The following KLHL24 variants were observed in gnomAD, a reference collection of about 807,000 sequenced individuals.
KLHL24 encodes kelch-like protein 24.
KLHL24 carries 29 observed loss-of-function variants against 53.4 expected under a neutral mutation model. The ratio of observed to expected loss-of-function variants is 0.54; its 90% CI spans 0.40 to 0.74. The LOEUF is 0.74. KLHL24 is among the 30% of genes least tolerant of loss of function. The pLI is 0.00. For missense variants in KLHL24, 504 were observed against 744.0 expected (o/e 0.68, Z 3.75); for synonymous variants, 222 against 253.7 (o/e 0.88, Z 1.19).
rs761165903 is a variant in KLHL24 at position 183,651,196 on chromosome 3, G to A, written c.840G>A (p.Glu280=). The A allele has an allele frequency of 6.2e-7, 1 of 1,614,164 alleles. No individual in the cohort carries two copies. Among genetic ancestry groups the A allele is most frequent in the Non-Finnish European group, 8.5e-7 (1 of 1,180,032 alleles). ...EVDQLIQNSP[E]CYQLLHEARR... ...ACCAATTGATCCAGAATTCTCCTGA[G>A]TGTTATCAGTTGTTGCATGAAGCAA... The change falls in exon 3 of 8, where the codon GAG becomes GAA. Residue 280 remains glutamate, a synonymous_variant. Transcript: ENST00000242810.
chr3:183,660,676 T>C (rs2054173), intron 3 of KLHL24, among the ~76,000 whole-genome samples: 50,771 of 151,828 alleles, frequency 0.33, 9,343 homozygotes, highest in African/African-American at 0.49. Flanking sequence ...TTGATCAATA[T>C]AGCCATTTTC....
intron 3 of KLHL24, among the ~76,000 whole-genome samples, chr3:183,655,941 TATTA>T (rs1205470378): frequency 1.3e-5 from 2 of 151,588 alleles, no homozygotes; most frequent in African/African-American, 4.8e-5. Context: ...AAAAAATTAT[TATTA>T]ATTAAAATTT....
chr3:183,666,450 T>C (rs1156708449), intron 5 of KLHL24, among the ~76,000 whole-genome samples: 1 of 151,962 alleles, frequency 6.6e-6, no homozygotes, highest in Non-Finnish European at 1.5e-5. Context: ...TTTGTAGAGA[T>C]TGGGTTTCTC....
intron 3 of KLHL24, among the ~76,000 whole-genome samples, chr3:183,654,459 T>A (rs1478392981): frequency 6.6e-6 from 1 of 152,016 alleles, no homozygotes; most frequent in African/African-American, 2.4e-5. Flanking sequence ...CTTTTTCAAA[T>A]TTTATATATC....
At chr3:183,674,189 C>G (rs61525995) in intron 7 of KLHL24, among the ~76,000 whole-genome samples, 1 of 152,086 alleles carries the variant, frequency 6.6e-6, no homozygotes, top group African/African-American at 2.4e-5. Flanking sequence ...CAAAAATACT[C>G]TAATTAGTCT....
chr3:183,645,024 G>A (rs1717026173), intron 2 of KLHL24, among the ~76,000 whole-genome samples: 1 of 152,140 alleles, frequency 6.6e-6, no homozygotes, highest in East Asian at 1.9e-4. Context: ...TGAATTTTTT[G>A]AACCTGAAAT....
At chr3:183,639,370 C>G (rs1240921232) in intron 1 of KLHL24, among the ~76,000 whole-genome samples, 2 of 152,142 alleles carry the variant, frequency 1.3e-5, no homozygotes, top group East Asian at 3.9e-4. Flanking sequence ...GTGGCTCACG[C>G]CTGTAATCCC....
At chr3:183,660,645 A>G (rs533553589) in intron 3 of KLHL24, among the ~76,000 whole-genome samples, 74 of 152,250 alleles carry the variant, frequency 4.9e-4, no homozygotes, top group Admixed American at 1.5e-3. Flanking sequence ...CCAATTTTGA[A>G]AAGTTGGCAT....
intron 7 of KLHL24, among the ~76,000 whole-genome samples, chr3:183,676,019 A>G (rs6806799): frequency 0.33 from 50,944 of 152,104 alleles, 9,390 homozygotes; most frequent in African/African-American, 0.49. Context: ...AAAGAAAATA[A>G]ACATTTGGAT....
chr3:183,669,982 G>A (rs761830978), intron 5 of KLHL24, among the ~76,000 whole-genome samples: 10 of 152,180 alleles, frequency 6.6e-5, no homozygotes, highest in Non-Finnish European at 1.2e-4. Context: ...GATGGCTCAC[G>A]CCTGTAATCC....
At chr3:183,670,350 G>A (rs1721165043) in intron 5 of KLHL24, among the ~76,000 whole-genome samples, 1 of 152,114 alleles carries the variant, frequency 6.6e-6, no homozygotes, top group Non-Finnish European at 1.5e-5. Context: ...TATAAACCAT[G>A]GATTTTTTGC....
chr3:183,669,277 A>G (rs1031901281), intron 5 of KLHL24, among the ~76,000 whole-genome samples: 10 of 152,120 alleles, frequency 6.6e-5, no homozygotes, highest in African/African-American at 1.9e-4. Flanking sequence ...CCTTGAAGCC[A>G]GGAGGCAGAC....
rs144571200 is a variant in KLHL24 at position 183,672,480 on chromosome 3, G to T, written c.1598G>T (p.Arg533Leu). 4 of 1,600,718 alleles carry T rather than the reference G, an allele frequency of 2.5e-6. No individual in the cohort carries two copies. The highest frequency in any genetic ancestry group is 3.4e-6 in the Non-Finnish European group (4 of 1,172,114). The change falls in exon 7 of 8, where the codon CGT becomes CTT. Residue 533 changes from arginine to leucine, a missense_variant. Transcript: ENST00000242810. Reference protein sequence around the residue: ...YWMHVQNTFSRQENCGMSVCN... With the variant: ...YWMHVQNTFSLQENCGMSVCN... The stretch of plus-strand genomic sequence containing the variant: ...ATGCACGTACAGAATACATTCAGCC[G>T]TCAGGTAATAACATAAAGCAGTACA...
chr3:183,645,570 A>AT (rs961345214), intron 2 of KLHL24, among the ~76,000 whole-genome samples: 6 of 152,374 alleles, frequency 3.9e-5, no homozygotes, highest in Admixed American at 2.0e-4. Context: ...AAATCTTAAA[A>AT]GAGATGGGAA....
In KLHL24 at chr3:183,677,863, C is replaced by T. The variant is rs564319453; in HGVS notation, c.1603-1223C>T. On this transcript the variant is annotated intron_variant, in intron 7 of 7. Coordinates refer to ENST00000242810, the MANE Select transcript of KLHL24 (RefSeq NM_017644.3). ...CTGGAGTGCAGTGGCACAACCTCAGCTCCCTGCAACCTCCGCCTCCCGGGT... is the reference window on the plus strand; with the variant it reads ...CTGGAGTGCAGTGGCACAACCTCAGTTCCCTGCAACCTCCGCCTCCCGGGT... Among the ~76,000 whole-genome samples, 36 of 152,272 alleles carry T rather than the reference C, an allele frequency of 2.4e-4. No homozygotes were observed. The East Asian group carries it at 3.5e-3, about 15-fold the overall frequency.
At chr3:183,638,960 G>A (rs148530698) in intron 1 of KLHL24, among the ~76,000 whole-genome samples, 461 of 152,236 alleles carry the variant, frequency 3.0e-3, no homozygotes, top group African/African-American at 0.011. Context: ...CAGTACTTTC[G>A]GAGGCTGAGG....
chr3:183,651,301 G>C, intron 3 of KLHL24, 25 bp downstream of exon 3: 3 of 1,557,248 alleles, frequency 1.9e-6, no homozygotes, highest in Non-Finnish European at 2.6e-6. Context: ...TTCAAATATA[G>C]TTAACAAAAG....
chr3:183,637,725 C>G (rs1269574020), intron 1 of KLHL24, among the ~76,000 whole-genome samples: 1 of 152,204 alleles, frequency 6.6e-6, no homozygotes, highest in Non-Finnish European at 1.5e-5. Flanking sequence ...CCCAGGCCAT[C>G]TCAGCTCACT....
intron 3 of KLHL24, among the ~76,000 whole-genome samples, chr3:183,661,801 T>C (rs1462318370): frequency 1.3e-5 from 2 of 152,222 alleles, no homozygotes; most frequent in Non-Finnish European, 1.5e-5. Context: ...CAAAATCCTA[T>C]GATATATAAT....
Sources: allele counts gnomAD v4.1 joint callset (sites outside exome capture counted in the v4.1 genomes callset), GRCh38; gene constraint gnomAD v4.1.1; transcripts MANE v1.5; gene names NCBI Gene and HGNC (gene_info 2026-07-23, HGNC 2026-07-21).